P3H2: variants seen among roughly 807,000 people sequenced by gnomAD.
The protein encoded by P3H2 is prolyl 3-hydroxylase 2.
Under a neutral mutation model 87.0 loss-of-function variants are expected in P3H2, and 80 were observed. The ratio of observed to expected loss-of-function variants is 0.92; its 90% CI spans 0.77 to 1.11. The LOEUF is 1.11. Ranked by LOEUF, P3H2 falls within the 50% of genes least tolerant of loss-of-function variation. The pLI is 0.00. For missense variants in P3H2, 1,001 were observed against 923.9 expected (o/e 1.08, Z -1.08); for synonymous variants, 367 against 359.3 (o/e 1.02, Z -0.24).
chr3:189,998,495 T>A (rs1265307624), intron 1 of P3H2, among the ~76,000 whole-genome samples: 3 of 152,192 alleles, frequency 2.0e-5, no homozygotes, highest in Non-Finnish European at 4.4e-5. Flanking sequence ...GTAGCCATAG[T>A]TGGGTACCAC....
At chr3:190,121,283 T>C (rs1244032123), upstream of P3H2, among the ~76,000 whole-genome samples, 1 of 151,450 alleles carries the variant, frequency 6.6e-6, no homozygotes, top group Non-Finnish European at 1.5e-5. Flanking sequence ...GTAGATGCCA[T>C]GTGTACCTAC....
chr3:189,988,689 T>C (rs907899188), intron 4 of P3H2, among the ~76,000 whole-genome samples: 23 of 152,206 alleles, frequency 1.5e-4, no homozygotes, highest in African/African-American at 5.5e-4. Flanking sequence ...TAGTATAATT[T>C]TCAGTAAATT....
intron 1 of P3H2, among the ~76,000 whole-genome samples, chr3:190,109,883 C>T (rs531875975): frequency 5.6e-4 from 76 of 136,504 alleles, no homozygotes; most frequent in African/African-American, 2.1e-3. Flanking sequence ...GGGTCTCGCT[C>T]TATTGCCTAG....
chr3:190,059,509 G>A (rs1726270034), intron 1 of P3H2, among the ~76,000 whole-genome samples: 1 of 152,082 alleles, frequency 6.6e-6, no homozygotes, highest in South Asian at 2.1e-4. Flanking sequence ...AAGAAGCAAA[G>A]ACTAAGAGAA....
chr3:190,060,193 G>A (rs1263505449), intron 1 of P3H2, among the ~76,000 whole-genome samples: 1 of 152,086 alleles, frequency 6.6e-6, no homozygotes, highest in African/African-American at 2.4e-5. Context: ...CTGCTTTGGA[G>A]GTTCCTAAAA....
chr3:189,978,525 T>C (rs1314299483), intron 8 of P3H2, among the ~76,000 whole-genome samples: 2 of 152,208 alleles, frequency 1.3e-5, no homozygotes, highest in African/African-American at 4.8e-5. Flanking sequence ...GAATGTAACA[T>C]GGAGTCTTCA....
chr3:190,077,276 A>G (rs1404708056), intron 1 of P3H2, among the ~76,000 whole-genome samples: 1 of 152,118 alleles, frequency 6.6e-6, no homozygotes, highest in African/African-American at 2.4e-5. Context: ...ATCTGTAGCA[A>G]TTGGTTCTTT....
chr3:190,116,986 G>C (rs1419334575), intron 1 of P3H2, among the ~76,000 whole-genome samples: 1 of 152,130 alleles, frequency 6.6e-6, no homozygotes, highest in Non-Finnish European at 1.5e-5. Context: ...CTCATCCCTG[G>C]AGCTGTCCAA....
intron 1 of P3H2, among the ~76,000 whole-genome samples, chr3:190,104,800 G>A (rs764813575): frequency 6.6e-6 from 1 of 152,156 alleles, no homozygotes; most frequent in South Asian, 2.1e-4. Flanking sequence ...GACAAGAGTC[G>A]GAAATCAGAG....
chr3:189,974,228 TAAAA>T, intron 9 of P3H2: 1 of 597,024 alleles, frequency 1.7e-6, no homozygotes, highest in Non-Finnish European at 2.9e-6. Flanking sequence ...TTTATGGAAA[TAAAA>T]AGAATGTAAA....
In P3H2 at chr3:190,001,338, A is replaced by G. The variant is rs1724210999; in HGVS notation, c.481-5896T>C. Among the ~76,000 whole-genome samples, 4 of 152,178 alleles carry G rather than the reference A, an allele frequency of 2.6e-5. No homozygotes were observed. In the South Asian group the frequency reaches 8.3e-4, roughly 32 times the overall value. On this transcript the variant is annotated intron_variant, in intron 1 of 14. Transcript: ENST00000319332. ...AATAGAATATTTGGCAGCACTTTTTACTCTTTTGAAGGTTTTTTGTACAGA... is the reference window on the plus strand; with the variant it reads ...AATAGAATATTTGGCAGCACTTTTTGCTCTTTTGAAGGTTTTTTGTACAGA...
rs187307423 is a variant in P3H2, at chr3:190,011,614, C to T, written c.481-16172G>A. Among the ~76,000 whole-genome samples the T allele has an allele frequency of 2.7e-3, 411 of 152,262 alleles. 2 individuals are homozygous for T. Among genetic ancestry groups the T allele is most frequent in the South Asian group, 0.014 (67 of 4,822 alleles). ...GTGCTGAAAACCCCAAATACCAGAG[C>T]ACCCGACAGAAAGAGCTGCCTGGGG... is the stretch of plus-strand genomic sequence containing the variant. On this transcript the variant is annotated intron_variant, in intron 1 of 14. Transcript: ENST00000319332.
Position 189,995,421 on chromosome 3 carries a change from CTGCTTTTTCG to C in P3H2, c.492_501del (p.Glu165TrpfsTer36), listed in dbSNP as rs761908466. 6.2e-6 allele frequency: 10 copies of C among 1,613,718 alleles called. No homozygotes were observed. The African/African-American group carries it at 6.7e-5, about 11-fold the overall frequency. On this transcript the variant is annotated frameshift_variant, in exon 2 of 15. Coordinates refer to ENST00000319332, the MANE Select transcript of P3H2 (RefSeq NM_018192.4). LOFTEE classifies it high-confidence loss of function. ...ACGAAAAATGTGTGAGCTGCTTCCA[CTGCTTTTTCG>C]AGCTGGTTAAGCTAAAGAGAAAAAA...
rs752053545 is a variant in P3H2, at chr3:189,973,035, A to G, written c.1549-11T>C. Reference sequence around the variant, plus strand: ...ACCTTCATAACCAGACTGAAAAAAAAAAACAAAACATGAGAAACAAATGGG... The same window carrying G: ...ACCTTCATAACCAGACTGAAAAAAAGAAACAAAACATGAGAAACAAATGGG... On this transcript the variant is annotated splice_polypyrimidine_tract_variant and intron_variant, in intron 10 of 14. Coordinates refer to ENST00000319332, the MANE Select transcript of P3H2 (RefSeq NM_018192.4). The G allele has an allele frequency of 6.2e-7, 1 of 1,602,978 alleles. No homozygotes were observed. Among genetic ancestry groups the G allele is most frequent in the South Asian group, 1.1e-5 (1 of 90,172 alleles).
intron 1 of P3H2, among the ~76,000 whole-genome samples, chr3:190,084,162 G>A (rs1727138778): frequency 6.6e-6 from 1 of 152,150 alleles, no homozygotes; most frequent in Non-Finnish European, 1.5e-5. Flanking sequence ...GGACTCAAAT[G>A]AGCTGATTAT....
chr3:189,982,985 C>T, intron 8 of P3H2, 61 bp downstream of exon 8: 1 of 1,257,172 alleles, frequency 8.0e-7, no homozygotes, highest in Non-Finnish European at 1.2e-6. Flanking sequence ...TGGAAAAGAA[C>T]TGGTCAAGCC....
intron 1 of P3H2, among the ~76,000 whole-genome samples, chr3:190,119,239 C>CAGAAA (rs1712434780): frequency 1.3e-5 from 2 of 149,946 alleles, no homozygotes; most frequent in African/African-American, 4.9e-5. Context: ...CACAGCAGAG[C>CAGAAA]AGAGCAGAGC....
chr3:190,056,328 CT>C (rs916412411), intron 1 of P3H2, among the ~76,000 whole-genome samples: 7 of 152,186 alleles, frequency 4.6e-5, no homozygotes, highest in Non-Finnish European at 7.3e-5. Flanking sequence ...AGCTGTCCCC[CT>C]GATAGAGACC....
At position 189,970,971 on chromosome 3, in the gene P3H2, G is replaced by A. The variant is rs914405504; in HGVS notation, c.1818-80C>T. 2.7e-5 allele frequency: 22 copies of A among 814,442 alleles called. 1 individual carries two copies. The highest frequency in any genetic ancestry group is 4.5e-5 in the Non-Finnish European group (21 of 461,890). The allele number at this position is 814,442 out of a possible 1,614,324, so 50.5% of individuals were successfully genotyped here. On this transcript the variant is annotated intron_variant, in intron 12 of 14. Transcript: ENST00000319332. ...TCATAGAATACTGAAGACTGGTGAT[G>A]TACTGTCCAGCCTCCATTAGTAAGT...
Sources: allele counts gnomAD v4.1 joint callset (sites outside exome capture counted in the v4.1 genomes callset), GRCh38; gene constraint gnomAD v4.1.1; transcripts MANE v1.5; gene names NCBI Gene and HGNC (gene_info 2026-07-23, HGNC 2026-07-21).